KIAA1217: variants seen among roughly 807,000 people sequenced by gnomAD.
KIAA1217 encodes the protein KIAA1217, also known as sickle tail protein homolog.
A neutral mutation model predicts 163.9 loss-of-function variants in KIAA1217; 88 were observed. The observed-to-expected ratio is 0.54, with a 90% CI of 0.45 to 0.64. KIAA1217 has a LOEUF of 0.64. KIAA1217 is among the 30% of genes least tolerant of loss of function. KIAA1217 has a pLI of 0.00. For synonymous variants in KIAA1217, 903 were observed against 923.1 expected (o/e 0.98, Z 0.39); for missense variants, 2,372 against 2,475.0 (o/e 0.96, Z 0.88).
chr10:24,101,219 A>G (rs776074420), intron 2 of KIAA1217, among the ~76,000 whole-genome samples: 3 of 152,202 alleles, frequency 2.0e-5, no homozygotes, highest in Non-Finnish European at 2.9e-5. Flanking sequence ...AACAGCATAC[A>G]TTATTGCAGA....
chr10:23,894,717 A>G (rs1425905080), intron 1 of KIAA1217, among the ~76,000 whole-genome samples: 1 of 147,438 alleles, frequency 6.8e-6, no homozygotes, highest in Admixed American at 6.9e-5. Flanking sequence ...AGCTGGAGGC[A>G]TCACGCTACC....
intron 1 of KIAA1217, among the ~76,000 whole-genome samples, chr10:23,939,204 A>G (rs1436735074): frequency 6.6e-6 from 1 of 152,212 alleles, no homozygotes; most frequent in Non-Finnish European, 1.5e-5. Context: ...AAGCAATTGG[A>G]ACAAGTAGAA....
chr10:23,868,254 T>C (rs1227998066), intron 1 of KIAA1217, among the ~76,000 whole-genome samples: 5 of 152,084 alleles, frequency 3.3e-5, no homozygotes. Context: ...TTTTCTTTGC[T>C]TCCAGGAAAG....
Position 24,219,864 on chromosome 10 carries a change from C to A in KIAA1217, c.309C>A (p.His103Gln), listed in dbSNP as rs1284458398. The change falls in exon 2 of 21, where the codon CAC becomes CAA. Residue 103 changes from histidine (H) to glutamine (Q), a missense_variant. Transcript: ENST00000376454. ...AACATCTGAAGCAGAAGTACCCCCACCACGCCTCTGCAATCATGGGTCACC... is the reference window on the plus strand; with the variant it reads ...AACATCTGAAGCAGAAGTACCCCCAACACGCCTCTGCAATCATGGGTCACC... ...FLEHLKQKYP[H>Q]HASAIMGHQE... 1 of 1,612,652 alleles carries A rather than the reference C, an allele frequency of 6.2e-7. No individual in the cohort carries two copies.
In KIAA1217 at chr10:24,138,256, C is replaced by T. The variant is rs578116514; in HGVS notation, c.-170-81370C>T. Among the ~76,000 whole-genome samples, 159 of 152,212 alleles carry T rather than the reference C, an allele frequency of 1.0e-3. 1 individual carries two copies. Among genetic ancestry groups the T allele is most frequent in the South Asian group, 1.9e-3 (9 of 4,820 alleles). ...GCAACCTCGAACTGCCAGGCTCAAG[C>T]GATCCCCCTTATCTCAGCCTCCCAA... On this transcript the variant is annotated intron_variant, in intron 2 of 18. Coordinates refer to the KIAA1217 transcript ENST00000376462.
Position 24,219,926 on chromosome 10 carries a change from A to C in KIAA1217, c.354+17A>C. 1 of 1,567,010 alleles carries C rather than the reference A, an allele frequency of 6.4e-7. No homozygotes were observed. The highest frequency in any genetic ancestry group is 1.4e-5 in the African/African-American group (1 of 73,270). On this transcript the variant is annotated intron_variant, in intron 2 of 20. Coordinates refer to ENST00000376454, the MANE Select transcript of KIAA1217 (RefSeq NM_019590.5). ...AGAGACCAGGTACGAATATGCTCTC[A>C]TTTCTCCTTGTGTAGCTCGCTCTCT...
chr10:23,982,500 T>C (rs568033780), intron 1 of KIAA1217, among the ~76,000 whole-genome samples: 2 of 151,436 alleles, frequency 1.3e-5, no homozygotes, highest in African/African-American at 2.4e-5. Context: ...GGAAACTTTG[T>C]ATTTCCTCTG....
At chr10:24,528,182 A>G in intron 14 of KIAA1217, 63 bp downstream of exon 14, 1 of 1,363,334 alleles carries the variant, frequency 7.3e-7, no homozygotes, top group South Asian at 1.3e-5. Context: ...ATACAGTGCC[A>G]TCCACGACAG....
intron 1 of KIAA1217, among the ~76,000 whole-genome samples, chr10:23,904,050 G>T (rs909377835): frequency 6.6e-6 from 1 of 152,040 alleles, no homozygotes; most frequent in Admixed American, 6.6e-5. Flanking sequence ...TCTATCCCTG[G>T]CAAACAGTAA....
intron 1 of KIAA1217, among the ~76,000 whole-genome samples, chr10:23,987,678 T>C (rs1012354836): frequency 6.6e-5 from 10 of 152,188 alleles, no homozygotes; most frequent in African/African-American, 2.4e-5. Flanking sequence ...CTCTTAGCAA[T>C]TTTTAAGAAT....
intron 2 of KIAA1217, among the ~76,000 whole-genome samples, chr10:24,077,761 A>G (rs1430922568): frequency 2.6e-5 from 4 of 152,212 alleles, no homozygotes; most frequent in Non-Finnish European, 5.9e-5. Flanking sequence ...TTGCCATACC[A>G]TCTTCCAAAA....
intron 1 of KIAA1217, among the ~76,000 whole-genome samples, chr10:23,797,956 G>A (rs1000342842): frequency 6.6e-6 from 1 of 152,184 alleles, no homozygotes; most frequent in African/African-American, 2.4e-5. Context: ...ACAATAGATT[G>A]TAAGATCTTT....
At chr10:24,166,642 G>A (rs1441381372) in intron 2 of KIAA1217, among the ~76,000 whole-genome samples, 3 of 152,114 alleles carry the variant, frequency 2.0e-5, no homozygotes, top group African/African-American at 7.2e-5. Flanking sequence ...GGAGGCTGAG[G>A]CACAAGAATC....
intron 1 of KIAA1217, among the ~76,000 whole-genome samples, chr10:23,982,404 C>T (rs543002979): frequency 6.6e-6 from 1 of 152,248 alleles, no homozygotes; most frequent in South Asian, 2.1e-4. Flanking sequence ...TGACGCTGGC[C>T]TCTAAAGTCA....
At chr10:23,803,560 C>T (rs958933423) in intron 1 of KIAA1217, among the ~76,000 whole-genome samples, 12 of 152,206 alleles carry the variant, frequency 7.9e-5, no homozygotes, top group Non-Finnish European at 1.3e-4. Context: ...CTGCTGTCCT[C>T]ATGCCCCATA....
chr10:24,449,760 G>A, intron 5 of KIAA1217: 1 of 984,912 alleles, frequency 1.0e-6, no homozygotes, highest in Non-Finnish European at 1.2e-6. Context: ...CACGGAAAAT[G>A]TAAGGTAAGA....
intron 2 of KIAA1217, among the ~76,000 whole-genome samples, chr10:24,107,092 GCA>G (rs2062661432): frequency 6.6e-6 from 1 of 152,110 alleles, no homozygotes; most frequent in African/African-American, 2.4e-5. Flanking sequence ...TTGTCCATGT[GCA>G]CTCAGTGTTT....
chr10:24,417,418 A>G (rs907443003), intron 3 of KIAA1217, among the ~76,000 whole-genome samples: 1 of 152,134 alleles, frequency 6.6e-6, no homozygotes, highest in African/African-American at 2.4e-5. Context: ...TTACCTTTTG[A>G]TTGAGGCACT....
intron 2 of KIAA1217, among the ~76,000 whole-genome samples, chr10:24,056,981 A>T (rs889311522): frequency 6.6e-6 from 1 of 152,146 alleles, no homozygotes; most frequent in Non-Finnish European, 1.5e-5. Flanking sequence ...ACAAAATAGA[A>T]GGTATACTTT....
Sources: gnomAD v4.1 joint callset for allele counts (sites outside exome capture counted in the v4.1 genomes callset) on GRCh38, gnomAD v4.1.1 for gene constraint, MANE v1.5 for transcripts, NCBI Gene and HGNC (gene_info 2026-07-23, HGNC 2026-07-21) for gene names.